The following NUP214 variants were observed in gnomAD, a reference collection of about 807,000 sequenced individuals.
NUP214 encodes the protein nuclear pore complex protein Nup214.
A neutral mutation model predicts 196.2 loss-of-function variants in NUP214; 79 were observed. The ratio of observed to expected loss-of-function variants is 0.40; its 90% CI spans 0.34 to 0.49. The LOEUF (loss-of-function observed/expected upper bound fraction) is 0.49. Ranked by LOEUF, NUP214 falls within the 20% of genes least tolerant of loss-of-function variation. The pLI, the probability that NUP214 is intolerant of heterozygous loss-of-function variation, is 0.58. For missense variants in NUP214, 2,468 were observed against 2,539.0 expected (o/e 0.97, Z 0.60); for synonymous variants, 1,020 against 990.5 (o/e 1.03, Z -0.56).
chr9:131,225,618 G>C (rs149601475), intron 32 of NUP214, among the ~76,000 whole-genome samples: 5 of 152,094 alleles, frequency 3.3e-5, no homozygotes, highest in African/African-American at 4.8e-5. Context: ...CAGGGGAAAG[G>C]CCACTCCCCC....
chr9:131,222,043 T>TTC (rs1369305131), intron 31 of NUP214, among the ~76,000 whole-genome samples: 1 of 152,228 alleles, frequency 6.6e-6, no homozygotes, highest in African/African-American at 2.4e-5. Flanking sequence ...TTGGAGTGAA[T>TTC]TCAGTGCATA....
chr9:131,183,144 G>A (rs1484273071), intron 24 of NUP214, among the ~76,000 whole-genome samples: 1 of 152,220 alleles, frequency 6.6e-6, no homozygotes, highest in Non-Finnish European at 1.5e-5. Flanking sequence ...GAGTGCAGTG[G>A]TGCGATTTCA....
At position 131,146,852 on chromosome 9, in the gene NUP214, C is replaced by T. The variant is rs1224447238; in HGVS notation, c.1945+548C>T. Among the ~76,000 whole-genome samples, 3 of 151,812 alleles carry T rather than the reference C, an allele frequency of 2.0e-5. No individual in the cohort carries two copies. Among genetic ancestry groups the T allele is most frequent in the African/African-American group, 4.8e-5 (2 of 41,326 alleles). Reference sequence around the variant, plus strand: ...GGCTGAGGCGGGAGAATCACTTGAACCTAGGAGGCAGAGATTGCAGGGAGT... The same window carrying T: ...GGCTGAGGCGGGAGAATCACTTGAATCTAGGAGGCAGAGATTGCAGGGAGT... On this transcript the variant is annotated intron_variant, in intron 13 of 35. Coordinates refer to ENST00000359428, the MANE Select transcript of NUP214 (RefSeq NM_005085.4). The surrounding 1 kb of genome is among the most constrained non-coding windows in gnomAD (Gnocchi z 4.6).
rs1834358979 is a variant in NUP214 at position 131,215,264 on chromosome 9, G to C, written c.5645G>C (p.Gly1882Ala). 1 of 1,605,808 alleles carries C rather than the reference G, an allele frequency of 6.2e-7. No homozygotes were observed. The highest frequency in any genetic ancestry group is 8.5e-7 in the Non-Finnish European group (1 of 1,176,146). The change falls in exon 31 of 36, where the codon GGG becomes GCG. Residue 1882 changes from glycine (G) to alanine (A), a missense_variant. Physicochemically the swap from Gly to Ala is moderately conservative, Grantham distance 60. Coordinates refer to ENST00000359428, the MANE Select transcript of NUP214 (RefSeq NM_005085.4). ...TTTGGGTCTGGAAACACTGGAAGAGGGGGAGGTTTCTTCAGTGGCCTTGGA... is the reference window on the plus strand; with the variant it reads ...TTTGGGTCTGGAAACACTGGAAGAGCGGGAGGTTTCTTCAGTGGCCTTGGA... ...SVFGSGNTGR[G>A]GGFFSGLGGK...
At chr9:131,159,152 A>G (rs912249777) in intron 17 of NUP214, 2 of 512,098 alleles carry the variant, frequency 3.9e-6, no homozygotes, top group Non-Finnish European at 6.8e-6. Context: ...GGCTTCAAGC[A>G]GTCCTCCTGC....
rs757856001 is a variant in NUP214, at chr9:131,130,137, G to GTTTTTTTTTTTTTTTTTTTTTTTTTTTTT, written c.593-616_593-615insTTTTTTTTTTTTTTTTTTTTTTTTTTTTT. ...GAGCAGGAGAATGATTTCTGGTTTTGTTTTTTTTTTTTTGTTTTTTTTTTG... is the reference window on the plus strand; with the variant it reads ...GAGCAGGAGAATGATTTCTGGTTTTGTTTTTTTTTTTTTTTTTTTTTTTTTTTTTTTTTTTTTTTTTTGTTTTTTTTTTG... On this transcript the variant is annotated intron_variant, in intron 4 of 35. Transcript: ENST00000359428. Among the ~76,000 whole-genome samples the GTTTTTTTTTTTTTTTTTTTTTTTTTTTTT allele has an allele frequency of 2.0e-4, 15 of 76,922 alleles. 5 individuals are homozygous for GTTTTTTTTTTTTTTTTTTTTTTTTTTTTT. Among genetic ancestry groups the GTTTTTTTTTTTTTTTTTTTTTTTTTTTTT allele is most frequent in the East Asian group, 1.4e-3 (3 of 2,182 alleles). 50.5% of individuals were successfully genotyped at this position (76,922 alleles called of 152,430 possible).
chr9:131,215,556 A>T (rs1025074925), intron 31 of NUP214, among the ~76,000 whole-genome samples, 188 bp downstream of exon 31: 37 of 145,046 alleles, frequency 2.6e-4, no homozygotes, highest in African/African-American at 9.3e-4. Flanking sequence ...GAGATGTCCT[A>T]TATAATCATG....
chr9:131,132,674 T>C lies in NUP214; in HGVS notation c.727+15T>C, dbSNP rs765299572. 6.2e-7 allele frequency: 1 copy of C among 1,609,076 alleles called. No individual in the cohort carries two copies. Among genetic ancestry groups the C allele is most frequent in the Non-Finnish European group, 8.5e-7 (1 of 1,175,490 alleles). On this transcript the variant is annotated intron_variant, in intron 6 of 35. Coordinates refer to ENST00000359428, the MANE Select transcript of NUP214 (RefSeq NM_005085.4). ...TCCTGTCAGAGGTAACAACTGCTTT[T>C]CTTATTGGGCTGACCTCTAATGACA...
chr9:131,174,449 T>TTTC, intron 22 of NUP214, 131 bp downstream of exon 22: 3 of 512,666 alleles, frequency 5.9e-6, no homozygotes, highest in South Asian at 3.1e-5. Context: ...TTTTTTTTCT[T>TTTC]TTTTTCTTTT....
In NUP214 at chr9:131,125,831, T is replaced by C; in HGVS notation, c.45+82T>C. On this transcript the variant is annotated intron_variant, in intron 1 of 35. Transcript: ENST00000359428. The surrounding 1 kb of genome is among the most constrained non-coding windows in gnomAD (Gnocchi z 4.1). ...CCAGCTGAAAGGCGAAGCGCGGTGC[T>C]GGCTGTCCCGCCTCCTGCTTGAACA... 6.8e-7 allele frequency: 1 copy of C among 1,474,054 alleles called. No homozygotes were observed. Among genetic ancestry groups the C allele is most frequent in the South Asian group, 1.2e-5 (1 of 82,096 alleles). The allele number at this position is 1,474,054 out of a possible 1,614,324, so 91.3% of individuals were successfully genotyped here. A position where few individuals can be genotyped will look rare whatever the true frequency, so the allele number is the denominator to read the frequency against.
At chr9:131,129,504 A>T in intron 4 of NUP214, 27 bp downstream of exon 4, 1 of 1,594,942 alleles carries the variant, frequency 6.3e-7, no homozygotes, top group East Asian at 2.2e-5. Flanking sequence ...TTCACACTGT[A>T]GCATACAATC....
At chr9:131,230,253 A>G (rs1276625453) in intron 33 of NUP214, 1 of 201,842 alleles carries the variant, frequency 5.0e-6, no homozygotes, top group Non-Finnish European at 1.0e-5. Flanking sequence ...AAATGGGAGC[A>G]GGATGTGGGG....
chr9:131,219,305 C>T (rs1289416987), intron 31 of NUP214, among the ~76,000 whole-genome samples: 1 of 152,336 alleles, frequency 6.6e-6, no homozygotes, highest in East Asian at 1.9e-4. Flanking sequence ...TCTGATTGGC[C>T]TTGTTTACAG....
In NUP214 at chr9:131,187,340, A is replaced by G. The variant is rs983486904; in HGVS notation, c.3471A>G (p.Pro1157=). Residue 1157 remains proline, a synonymous_variant, in exon 25 of 36, where the codon CCA becomes CCG. Coordinates refer to ENST00000359428, the MANE Select transcript of NUP214 (RefSeq NM_005085.4). ...AAACACCTCACCCAGTGTTGACCCCAGTGGCTGCTAACCAAGCCAAGCAGG... is the reference window on the plus strand; with the variant it reads ...AAACACCTCACCCAGTGTTGACCCCGGTGGCTGCTAACCAAGCCAAGCAGG... ...TAKTPHPVLT[P]VAANQAKQGS... The G allele has an allele frequency of 6.2e-7, 1 of 1,610,712 alleles. No homozygotes were observed. The highest frequency in any genetic ancestry group is 8.5e-7 in the Non-Finnish European group (1 of 1,178,328).
At position 131,125,621 on chromosome 9, in the gene NUP214, A is replaced by G. The variant is rs372100043; in HGVS notation, c.-84A>G. 1,006 of 1,537,502 alleles carry G rather than the reference A, an allele frequency of 6.5e-4. 2 individuals are homozygous for G. In the Middle Eastern group the frequency reaches 0.018, roughly 27 times the overall value. ...GCGCGCCGCTGGCGCTGAGGGGAGG[A>G]AGTTTGCTGTCGAGCGGCCTGGGTT... On this transcript the variant is annotated 5_prime_UTR_variant, in exon 1 of 36. Coordinates refer to ENST00000359428, the MANE Select transcript of NUP214 (RefSeq NM_005085.4). This position sits in a 1 kb window ranked among gnomAD's most constrained non-coding sequence, Gnocchi z 4.1.
intron 26 of NUP214, 24 bp from the exon 27 acceptor site, chr9:131,192,169 CTTTTTTTTTTTTTTT>C (rs66652901): frequency 2.2e-5 from 10 of 447,482 alleles, no homozygotes; most frequent in Non-Finnish European, 3.1e-5. Context: ...TTGTAATATT[CTTTTTTTTTTTTTTT>C]TTTTTTTTTT....
intron 18 of NUP214, among the ~76,000 whole-genome samples, chr9:131,160,399 A>C (rs1306071946): frequency 6.6e-6 from 1 of 152,238 alleles, no homozygotes; most frequent in Non-Finnish European, 1.5e-5. Flanking sequence ...AGTGTGGATA[A>C]TTAAAAAGAT....
intron 21 of NUP214, among the ~76,000 whole-genome samples, chr9:131,171,091 G>A (rs1284106598): frequency 6.6e-6 from 1 of 152,146 alleles, no homozygotes; most frequent in Non-Finnish European, 1.5e-5. Context: ...CTAATGCCAG[G>A]CAGTTAGCTG....
rs536722722 is a variant in NUP214 at position 131,233,630 on chromosome 9, C to G, written c.*143C>G. On this transcript the variant is annotated 3_prime_UTR_variant, in exon 36 of 36. Transcript: ENST00000359428. ...AAGAAACAACAGAAACCAAAACTCA[C>G]AAGGCGCATGATTACTTGTTTTATA... 9.5e-6 allele frequency: 8 copies of G among 842,960 alleles called. No homozygotes were observed. The East Asian group carries it at 2.1e-4, about 22-fold the overall frequency. The allele number at this position is 842,960 out of a possible 1,614,324, so 52.2% of individuals were successfully genotyped here.
Sources: allele counts gnomAD v4.1 joint callset (sites outside exome capture counted in the v4.1 genomes callset), GRCh38; gene constraint gnomAD v4.1.1; non-coding constraint Gnocchi (gnomAD v3.1); transcripts MANE v1.5; gene names NCBI Gene and HGNC (gene_info 2026-07-23, HGNC 2026-07-21).